SKI: variants seen among roughly 807,000 people sequenced by gnomAD.
SKI encodes the protein ski oncogene.
Under a neutral mutation model 59.3 loss-of-function variants are expected in SKI, and 23 were observed. That is an observed-to-expected ratio of 0.39 (90% CI 0.28 to 0.55). The LOEUF (loss-of-function observed/expected upper bound fraction) is 0.55, where lower values mean the gene tolerates loss of function less well. Among genes scored for constraint, SKI ranks in the 20% least tolerant of loss-of-function variants. SKI has a pLI of 0.67. For missense variants in SKI, 1,017 were observed against 1,038.9 expected (o/e 0.98, Z 0.29); for synonymous variants, 673 against 488.6 (o/e 1.38, Z -4.98).
At chr1:2,293,668 C>T (rs550865052) in intron 1 of SKI, among the ~76,000 whole-genome samples, 2 of 152,298 alleles carry the variant, frequency 1.3e-5, no homozygotes, top group African/African-American at 2.4e-5. Context: ...TGCGTGTCCT[C>T]GTGTTTCCGC....
At chr1:2,293,230 TTTGG>T (rs761461689) in intron 1 of SKI, among the ~76,000 whole-genome samples, 92 of 152,178 alleles carry the variant, frequency 6.0e-4, no homozygotes, top group Non-Finnish European at 1.2e-3. Flanking sequence ...GTTCTGTTGC[TTTGG>T]TTGGCGATCG....
chr1:2,304,182 G>T, intron 4 of SKI, 80 bp downstream of exon 4: 1 of 1,582,620 alleles, frequency 6.3e-7, no homozygotes, highest in Non-Finnish European at 8.6e-7. Flanking sequence ...GTCGCCGGGG[G>T]TGCGTTGGTG....
At chr1:2,257,141 G>A (rs751601725) in intron 1 of SKI, among the ~76,000 whole-genome samples, 2 of 152,224 alleles carry the variant, frequency 1.3e-5, no homozygotes, top group Non-Finnish European at 2.9e-5. Context: ...CTTTGTAAAA[G>A]CTCCCACCTT....
chr1:2,284,925 A>G (rs1297692962), intron 1 of SKI, among the ~76,000 whole-genome samples: 2 of 152,244 alleles, frequency 1.3e-5, no homozygotes, highest in African/African-American at 4.8e-5. Flanking sequence ...GCACAGGTGC[A>G]CCATGCGGGC....
chr1:2,300,092 G>A (rs938349916), intron 1 of SKI, among the ~76,000 whole-genome samples: 3 of 152,230 alleles, frequency 2.0e-5, no homozygotes, highest in African/African-American at 7.2e-5. Context: ...CCCTGCCCTG[G>A]CAGGGGGGCA....
chr1:2,239,480 C>A (rs947138000), intron 1 of SKI, among the ~76,000 whole-genome samples: 1 of 152,182 alleles, frequency 6.6e-6, no homozygotes, highest in Non-Finnish European at 1.5e-5. Context: ...GTTGGGGGAA[C>A]GGGAGAACCT....
At chr1:2,287,397 C>T (rs527498209) in intron 1 of SKI, among the ~76,000 whole-genome samples, 22 of 145,434 alleles carry the variant, frequency 1.5e-4, no homozygotes, top group East Asian at 8.0e-4. Context: ...AGGGCAGTGG[C>T]GCGATCTCGG....
Position 2,228,883 on chromosome 1 carries a change from G to T in SKI, c.117G>T (p.Ser39=). Residue 39 remains serine (S), a synonymous_variant, in exon 1 of 7, where the codon TCG becomes TCT. Transcript: ENST00000378536. ...MSSLGGPAAF[S]ARWAQEAYKK... ...CGCTGGGCGGCCCGGCCGCTTTCTC[G>T]GCGCGCTGGGCGCAGGAGGCCTACA... 1 of 1,425,420 alleles carries T rather than the reference G, an allele frequency of 7.0e-7. No individual in the cohort carries two copies. Among genetic ancestry groups the T allele is most frequent in the South Asian group, 1.3e-5 (1 of 76,624 alleles). 88.3% of individuals were successfully genotyped at this position (1,425,420 alleles called of 1,614,324 possible). A position where few individuals can be genotyped will look rare whatever the true frequency, so the allele number is the denominator to read the frequency against.
At chr1:2,246,767 C>G (rs74444023) in intron 1 of SKI, among the ~76,000 whole-genome samples, 10,476 of 152,112 alleles carry the variant, frequency 0.069, 881 homozygotes, top group East Asian at 0.43. Flanking sequence ...TCAGAGAGTG[C>G]GGCAGTCGGG....
intron 1 of SKI, among the ~76,000 whole-genome samples, chr1:2,234,348 T>C (rs372190166): frequency 6.6e-6 from 1 of 152,194 alleles, no homozygotes; most frequent in African/African-American, 2.4e-5. Flanking sequence ...CTCTGGGAGC[T>C]GGGCTGGGTC....
At chr1:2,290,945 G>C (rs927975435) in intron 1 of SKI, among the ~76,000 whole-genome samples, 4 of 152,230 alleles carry the variant, frequency 2.6e-5, no homozygotes, top group Admixed American at 1.3e-4. Context: ...TCTCATTCTG[G>C]ATGGAAAGGC....
At chr1:2,272,743 C>A (rs768624809) in intron 1 of SKI, among the ~76,000 whole-genome samples, 42 of 152,282 alleles carry the variant, frequency 2.8e-4, no homozygotes, top group African/African-American at 9.1e-4. Context: ...CTGTCAATAG[C>A]GTGTTGGAGT....
At chr1:2,240,787 A>G (rs1278420618) in intron 1 of SKI, 1 of 985,282 alleles carries the variant, frequency 1.0e-6, no homozygotes, top group African/African-American at 1.7e-5. Flanking sequence ...GTTGTTCGTG[A>G]GTCAGGTGAG....
At chr1:2,263,659 G>GT (rs1639435551) in intron 1 of SKI, among the ~76,000 whole-genome samples, 1 of 151,734 alleles carries the variant, frequency 6.6e-6, no homozygotes, top group African/African-American at 2.4e-5. Flanking sequence ...GATTTGAGAG[G>GT]TATTTCCTCC....
chr1:2,284,188 C>G (rs982461382), intron 1 of SKI, among the ~76,000 whole-genome samples: 4 of 152,086 alleles, frequency 2.6e-5, no homozygotes, highest in African/African-American at 9.7e-5. Flanking sequence ...CTGGGGGGCT[C>G]TGGCCCCAAC....
In SKI at chr1:2,233,121, C is replaced by T. The variant is rs369341504; in HGVS notation, c.969+3386C>T. The stretch of plus-strand genomic sequence containing the variant: ...CGCAGAACGTCAGCCAAGCGCTTTC[C>T]GTGCAGGCTGATAACAGGGTGGTGC... On this transcript the variant is annotated intron_variant, in intron 1 of 6. Coordinates refer to ENST00000378536, the MANE Select transcript of SKI (RefSeq NM_003036.4). 2.5e-4 allele frequency among the ~76,000 whole-genome samples: 38 copies of T among 152,266 alleles called. 1 individual carries two copies. In the Middle Eastern group the frequency reaches 0.017, roughly 68 times the overall value.
At chr1:2,306,484 A>G in intron 6 of SKI, 93 bp from the exon 7 acceptor site, 1 of 1,320,586 alleles carries the variant, frequency 7.6e-7, no homozygotes, top group Non-Finnish European at 1.0e-6. Context: ...GGGGAGGGAC[A>G]GGGAGCGGCG....
chr1:2,306,283 C>T (rs987444646), intron 6 of SKI, 33 bp downstream of exon 6: 1 of 1,512,470 alleles, frequency 6.6e-7, no homozygotes, highest in South Asian at 1.2e-5. Context: ...GCACGCAGCA[C>T]GGTGGGCGTG....
intron 1 of SKI, among the ~76,000 whole-genome samples, chr1:2,263,981 G>T (rs1386442175): frequency 6.6e-6 from 1 of 151,620 alleles, no homozygotes; most frequent in African/African-American, 2.4e-5. Flanking sequence ...TTCGAGAACA[G>T]CCTGGGCAAC....
Sources: gnomAD v4.1 joint callset for allele counts (sites outside exome capture counted in the v4.1 genomes callset) on GRCh38, gnomAD v4.1.1 for gene constraint, MANE v1.5 for transcripts, NCBI Gene and HGNC (gene_info 2026-07-23, HGNC 2026-07-21) for gene names.